The following NKAIN3 variants were observed in gnomAD, a reference collection of about 807,000 sequenced individuals.
NKAIN3 encodes sodium/potassium-transporting ATPase subunit beta-1-interacting protein 3.
Under a neutral mutation model 30.2 loss-of-function variants are expected in NKAIN3, and 25 were observed. The observed-to-expected ratio is 0.83, with a 90% CI of 0.60 to 1.16. The LOEUF is 1.16. Among genes scored for constraint, NKAIN3 ranks in the 50% most tolerant of loss-of-function variants. The probability of loss-of-function intolerance (pLI) is 0.00; values close to 1 mark genes in which losing one functional copy is unlikely to be tolerated. For missense variants in NKAIN3, 225 were observed against 254.1 expected (o/e 0.89, Z 0.78); for synonymous variants, 91 against 89.6 (o/e 1.02, Z -0.09).
At chr8:62,292,360 G>A (rs981509039) in intron 1 of NKAIN3, among the ~76,000 whole-genome samples, 1 of 152,122 alleles carries the variant, frequency 6.6e-6, no homozygotes, top group Admixed American at 6.6e-5. Context: ...GCATGTTTTT[G>A]CAGTGGCTGG....
At chr8:62,832,898 C>T (rs1002774486) in intron 4 of NKAIN3, among the ~76,000 whole-genome samples, 2 of 151,870 alleles carry the variant, frequency 1.3e-5, no homozygotes, top group Non-Finnish European at 2.9e-5. Context: ...ACATTCTTCT[C>T]ATCTACACAC....
intron 1 of NKAIN3, among the ~76,000 whole-genome samples, chr8:62,375,848 A>G (rs1200395011): frequency 6.6e-6 from 1 of 152,226 alleles, no homozygotes; most frequent in Non-Finnish European, 1.5e-5. Context: ...TTCAGTCCAC[A>G]GACTTTGATG....
intron 1 of NKAIN3, among the ~76,000 whole-genome samples, chr8:62,429,070 A>T (rs1804909009): frequency 6.6e-6 from 1 of 151,844 alleles, no homozygotes; most frequent in Non-Finnish European, 1.5e-5. Context: ...CTTCCAGCTT[A>T]TTTATTGAAG....
At chr8:62,468,145 G>A (rs143480191) in intron 1 of NKAIN3, among the ~76,000 whole-genome samples, 111 of 152,074 alleles carry the variant, frequency 7.3e-4, no homozygotes, top group Non-Finnish European at 3.2e-4. Context: ...GTAGTCATGA[G>A]ACTTAAGAAA....
intron 1 of NKAIN3, among the ~76,000 whole-genome samples, chr8:62,318,004 G>T (rs1323797671): frequency 6.6e-6 from 1 of 152,164 alleles, no homozygotes; most frequent in African/African-American, 2.4e-5. Flanking sequence ...TCTCTTGTAA[G>T]TTGGATTCCT....
At chr8:62,940,539 T>C (rs1822923548) in intron 5 of NKAIN3, among the ~76,000 whole-genome samples, 1 of 152,002 alleles carries the variant, frequency 6.6e-6, no homozygotes, top group African/African-American at 2.4e-5. Flanking sequence ...TCTCAACAAA[T>C]TTATGAAAAT....
At chr8:62,589,289 A>C (rs554983709) in intron 2 of NKAIN3, among the ~76,000 whole-genome samples, 1 of 151,944 alleles carries the variant, frequency 6.6e-6, no homozygotes, top group Admixed American at 6.6e-5. Context: ...TGTTTTCTTC[A>C]AACATGGTCT....
Position 62,327,760 on chromosome 8 carries a change from C to T in NKAIN3, c.54+78633C>T, listed in dbSNP as rs534541617. ...TGTTCTTTTTTTATCGCGATTGTTT[C>T]GGCTACTTCATGCCCCTGAGATTCC... is the stretch of plus-strand genomic sequence containing the variant. On this transcript the variant is annotated intron_variant, in intron 1 of 6. Coordinates refer to ENST00000623646, the MANE Select transcript of NKAIN3 (RefSeq NM_001304533.3). Among the ~76,000 whole-genome samples, 18 of 151,946 alleles carry T rather than the reference C, an allele frequency of 1.2e-4. 1 individual carries two copies. The South Asian group carries it at 2.1e-3, about 18-fold the overall frequency.
chr8:62,366,383 T>A (rs546555517), intron 1 of NKAIN3, among the ~76,000 whole-genome samples: 1 of 151,932 alleles, frequency 6.6e-6, no homozygotes, highest in Admixed American at 6.6e-5. Flanking sequence ...TGCACCACTG[T>A]AGTTGATTAA....
intron 5 of NKAIN3, among the ~76,000 whole-genome samples, chr8:62,947,185 G>T (rs959424276): frequency 9.2e-5 from 14 of 152,128 alleles, no homozygotes; most frequent in Admixed American, 8.5e-4. Flanking sequence ...TATAAAAGAG[G>T]TCTGTGATCC....
intron 4 of NKAIN3, among the ~76,000 whole-genome samples, chr8:62,797,739 C>T (rs58076468): frequency 0.081 from 12,310 of 152,134 alleles, 512 homozygotes; most frequent in Middle Eastern, 0.088. Context: ...AGTCCTAACC[C>T]TCAGTGACTC....
intron 1 of NKAIN3, among the ~76,000 whole-genome samples, chr8:62,576,947 TAGAG>T (rs1437891385): frequency 2.0e-5 from 3 of 152,142 alleles, no homozygotes; most frequent in Non-Finnish European, 4.4e-5. Context: ...TTATGACATT[TAGAG>T]AGAAAATATT....
rs190394622 is a variant in NKAIN3 at position 62,592,475 on chromosome 8, A to G, written c.273+2681A>G. On this transcript the variant is annotated intron_variant, in intron 3 of 6. Transcript: ENST00000623646. The stretch of plus-strand genomic sequence containing the variant: ...GACAAAAAGCTTGAGAACCACTCCC[A>G]TAGAGTAACCAATATAACTAAATAA... Among the ~76,000 whole-genome samples the G allele has an allele frequency of 4.0e-3, 605 of 152,176 alleles. 4 individuals carry two copies. The highest frequency in any genetic ancestry group is 0.014 in the African/African-American group (562 of 41,560).
intron 1 of NKAIN3, among the ~76,000 whole-genome samples, chr8:62,456,361 A>C (rs559309840): frequency 1.3e-5 from 2 of 152,122 alleles, no homozygotes; most frequent in African/African-American, 4.8e-5. Flanking sequence ...TCTACTAAAA[A>C]TACAAAAATT....
chr8:62,335,365 G>T (rs1359104309), intron 1 of NKAIN3, among the ~76,000 whole-genome samples: 2 of 148,360 alleles, frequency 1.3e-5, no homozygotes, highest in African/African-American at 2.5e-5. Flanking sequence ...GGTGGAGGTT[G>T]CAGTGAGCCA....
intron 1 of NKAIN3, among the ~76,000 whole-genome samples, chr8:62,458,927 T>C (rs1263678755): frequency 1.3e-5 from 2 of 152,226 alleles, no homozygotes; most frequent in East Asian, 1.9e-4. Flanking sequence ...TAGAATTCTT[T>C]ATCTTTCCTG....
chr8:62,675,863 T>C (rs1813460449), intron 3 of NKAIN3, among the ~76,000 whole-genome samples: 1 of 152,232 alleles, frequency 6.6e-6, no homozygotes, highest in Admixed American at 6.5e-5. Context: ...CCTTGTTATT[T>C]TGAGTTTGCT....
intron 4 of NKAIN3, among the ~76,000 whole-genome samples, chr8:62,786,389 A>G (rs1307778138): frequency 1.3e-5 from 2 of 152,094 alleles, no homozygotes; most frequent in African/African-American, 2.4e-5. Context: ...CAGCTTGAGG[A>G]TAATCAGTAC....
chr8:62,827,964 A>G (rs925430127), intron 4 of NKAIN3, among the ~76,000 whole-genome samples: 19 of 152,174 alleles, frequency 1.2e-4, no homozygotes, highest in African/African-American at 4.6e-4. Flanking sequence ...TCTGCACATG[A>G]AAGTTCATAG....
Sources: gnomAD v4.1 joint callset for allele counts (sites outside exome capture counted in the v4.1 genomes callset) on GRCh38, gnomAD v4.1.1 for gene constraint, MANE v1.5 for transcripts, NCBI Gene and HGNC (gene_info 2026-07-23, HGNC 2026-07-21) for gene names.